MMP16: variants seen among roughly 807,000 people sequenced by gnomAD.
MMP16 encodes the protein matrix metallopeptidase 16.
A neutral mutation model predicts 67.8 loss-of-function variants in MMP16; 12 were observed. That is an observed-to-expected ratio of 0.18 (90% CI 0.11 to 0.29). The LOEUF (loss-of-function observed/expected upper bound fraction) is 0.29, where lower values mean the gene tolerates loss of function less well. Among genes scored for constraint, MMP16 ranks in the 10% least tolerant of loss-of-function variants. MMP16 has a pLI of 1.00. For missense variants in MMP16, 475 were observed against 765.7 expected (o/e 0.62, Z 4.48); for synonymous variants, 249 against 255.9 (o/e 0.97, Z 0.26).
chr8:88,301,575 A>T lies in MMP16; in HGVS notation c.132+25500T>A, dbSNP rs148771138. Among the ~76,000 whole-genome samples, 5 of 152,312 alleles carry T rather than the reference A, an allele frequency of 3.3e-5. No individual in the cohort carries two copies. The East Asian group carries it at 9.6e-4, about 29-fold the overall frequency. On this transcript the variant is annotated intron_variant, in intron 1 of 9. Transcript: ENST00000286614. ...ATATTTTCCCTTTAAGAAAATACAG[A>T]TATATGCAGGAATATGACATTATGT...
chr8:88,210,177 C>A (rs979213174), intron 1 of MMP16, among the ~76,000 whole-genome samples: 2 of 152,148 alleles, frequency 1.3e-5, no homozygotes, highest in Admixed American at 6.6e-5. Context: ...GTCTACGACA[C>A]TTTTTTATAG....
intron 1 of MMP16, among the ~76,000 whole-genome samples, chr8:88,262,900 C>G (rs1489522046): frequency 6.8e-6 from 1 of 148,016 alleles, no homozygotes; most frequent in Non-Finnish European, 1.5e-5. Flanking sequence ...TAGCGGGTGC[C>G]TGTAGTCCCA....
intron 1 of MMP16, among the ~76,000 whole-genome samples, chr8:88,259,333 T>C (rs1239967041): frequency 6.6e-6 from 1 of 152,174 alleles, no homozygotes; most frequent in African/African-American, 2.4e-5. Flanking sequence ...TATATTATGA[T>C]GATTAAAGCA....
intron 4 of MMP16, among the ~76,000 whole-genome samples, chr8:88,167,466 C>T (rs1050576506): frequency 2.0e-5 from 3 of 152,034 alleles, no homozygotes; most frequent in Non-Finnish European, 1.5e-5. Flanking sequence ...AATCTTTAAT[C>T]AAAGGAACAC....
chr8:88,218,505 C>T (rs1160870775), intron 1 of MMP16, among the ~76,000 whole-genome samples: 2 of 151,886 alleles, frequency 1.3e-5, no homozygotes, highest in African/African-American at 2.4e-5. Context: ...AGAAAAATTG[C>T]TAACTATGCC....
At chr8:88,170,347 T>G (rs1808779358) in intron 3 of MMP16, among the ~76,000 whole-genome samples, 1 of 152,210 alleles carries the variant, frequency 6.6e-6, no homozygotes, top group South Asian at 2.1e-4. Context: ...ACATCTACAC[T>G]GAGATAGCAC....
intron 1 of MMP16, among the ~76,000 whole-genome samples, chr8:88,298,080 A>G (rs1328628439): frequency 2.0e-5 from 3 of 152,218 alleles, no homozygotes; most frequent in Non-Finnish European, 4.4e-5. Context: ...ATAAATTAAA[A>G]AGGTAGTTAT....
intron 6 of MMP16, among the ~76,000 whole-genome samples, chr8:88,097,492 G>C (rs921287738): frequency 1.3e-5 from 2 of 151,376 alleles, no homozygotes; most frequent in African/African-American, 4.9e-5. Flanking sequence ...CGAGTGTCAG[G>C]GTATATGCCT....
chr8:88,153,918 A>G (rs1388814228), intron 4 of MMP16, among the ~76,000 whole-genome samples: 1 of 151,384 alleles, frequency 6.6e-6, no homozygotes, highest in East Asian at 1.9e-4. Flanking sequence ...CTACCATCAG[A>G]GTGAACAGGC....
In MMP16 at chr8:88,042,226, C is replaced by T. The variant is rs1315482091; in HGVS notation, c.1490-431G>A. 3.3e-5 allele frequency among the ~76,000 whole-genome samples: 5 copies of T among 152,188 alleles called. No individual in the cohort carries two copies. The East Asian group carries it at 9.6e-4, about 29-fold the overall frequency. On this transcript the variant is annotated intron_variant, in intron 9 of 9. Transcript: ENST00000286614. The stretch of plus-strand genomic sequence containing the variant: ...AACACTGTTTACCCTCAGGCTGTTA[C>T]TGGGAACATTGTTCAATATATGATA...
At chr8:88,234,588 TGCA>T (rs1809912073) in intron 1 of MMP16, among the ~76,000 whole-genome samples, 1 of 152,208 alleles carries the variant, frequency 6.6e-6, no homozygotes, top group Non-Finnish European at 1.5e-5. Context: ...CTTCTTTAAC[TGCA>T]GCAGATCTTT....
intron 4 of MMP16, among the ~76,000 whole-genome samples, chr8:88,121,517 A>C (rs1396537652): frequency 6.6e-6 from 1 of 152,046 alleles, no homozygotes; most frequent in African/African-American, 2.4e-5. Flanking sequence ...AGCTTCAGAC[A>C]ATTAAAATGC....
At chr8:88,166,688 C>CATATATATATATATAT (rs1166566212) in intron 4 of MMP16, among the ~76,000 whole-genome samples, 1 of 58,384 alleles carries the variant, frequency 1.7e-5, no homozygotes, top group Non-Finnish European at 3.5e-5. Context: ...CAAAAAATTA[C>CATATATATATATATAT]ATATATATAT....
chr8:88,273,123 G>A (rs1181184741), intron 1 of MMP16, among the ~76,000 whole-genome samples: 2 of 149,732 alleles, frequency 1.3e-5, no homozygotes, highest in Non-Finnish European at 3.0e-5. Flanking sequence ...TTGCTCTGTC[G>A]CCCAGGCTGG....
At chr8:88,281,331 G>A (rs1455804249) in intron 1 of MMP16, among the ~76,000 whole-genome samples, 1 of 152,186 alleles carries the variant, frequency 6.6e-6, no homozygotes, top group Non-Finnish European at 1.5e-5. Flanking sequence ...CATGGATGAT[G>A]AGCTCAAGGG....
chr8:88,191,661 A>T (rs1322088864), intron 2 of MMP16, among the ~76,000 whole-genome samples: 1 of 152,216 alleles, frequency 6.6e-6, no homozygotes, highest in Non-Finnish European at 1.5e-5. Context: ...GGTGTACCAC[A>T]CACACACAGA....
chr8:88,114,791 T>C (rs1230970259), intron 6 of MMP16, among the ~76,000 whole-genome samples: 1 of 152,002 alleles, frequency 6.6e-6, no homozygotes, highest in Non-Finnish European at 1.5e-5. Flanking sequence ...GAATTCAAGA[T>C]AACCTCAGAG....
chr8:88,260,087 C>A (rs1810363056), intron 1 of MMP16, among the ~76,000 whole-genome samples: 1 of 152,052 alleles, frequency 6.6e-6, no homozygotes, highest in African/African-American at 2.4e-5. Context: ...AAAAAACAAG[C>A]CCATGGTGAT....
At chr8:88,222,505 C>A (rs13264877) in intron 1 of MMP16, among the ~76,000 whole-genome samples, 2 of 152,006 alleles carry the variant, frequency 1.3e-5, no homozygotes, top group African/African-American at 4.8e-5. Flanking sequence ...GAGATATAGA[C>A]CAATGGAACA....
Sources: allele counts gnomAD v4.1 joint callset (sites outside exome capture counted in the v4.1 genomes callset), GRCh38; gene constraint gnomAD v4.1.1; transcripts MANE v1.5; gene names NCBI Gene and HGNC (gene_info 2026-07-23, HGNC 2026-07-21).